PLPP3: variants seen among roughly 807,000 people sequenced by gnomAD.
PLPP3 encodes the protein PAP2 beta.
PLPP3 carries 6 observed loss-of-function variants against 29.6 expected under a neutral mutation model. The ratio of observed to expected loss-of-function variants is 0.20; its 90% CI spans 0.11 to 0.40. The LOEUF is 0.40. PLPP3 is among the 10% of genes least tolerant of loss of function. PLPP3 has a pLI of 1.00. For missense variants in PLPP3, 308 were observed against 407.7 expected (o/e 0.76, Z 2.11); for synonymous variants, 152 against 159.7 (o/e 0.95, Z 0.36).
Position 56,520,929 on chromosome 1 carries a change from A to G in PLPP3, c.633+2894T>C, listed in dbSNP as rs867241442. Among the ~76,000 whole-genome samples, 530 of 145,230 alleles carry G rather than the reference A, an allele frequency of 3.6e-3. 2 individuals carry two copies. The highest frequency in any genetic ancestry group is 0.011 in the African/African-American group (421 of 39,850). ...CCATCTCAAAAAAAAAAAAAAAAAA[A>G]AAAAAAGAAACTTTTGCAAATCGGC... On this transcript the variant is annotated intron_variant, in intron 4 of 5. Transcript: ENST00000371250.
chr1:56,558,921 C>T (rs1646102032), intron 1 of PLPP3, among the ~76,000 whole-genome samples: 1 of 152,250 alleles, frequency 6.6e-6, no homozygotes. Flanking sequence ...AGACCTCCAA[C>T]TATCAGGCAC....
intron 4 of PLPP3, among the ~76,000 whole-genome samples, chr1:56,518,383 C>T (rs1008847260): frequency 6.6e-6 from 1 of 152,100 alleles, no homozygotes; most frequent in Admixed American, 6.6e-5. Flanking sequence ...CCAACAAACC[C>T]TCTGACACAC....
chr1:56,502,215 T>C (rs1162086195), intron 5 of PLPP3, among the ~76,000 whole-genome samples: 1 of 152,224 alleles, frequency 6.6e-6, no homozygotes, highest in Non-Finnish European at 1.5e-5. Flanking sequence ...AATAAAATTA[T>C]CCTTTAAATG....
chr1:56,579,105 G>T lies in PLPP3; in HGVS notation c.-89C>A. On this transcript the variant is annotated 5_prime_UTR_variant, in exon 1 of 6. Transcript: ENST00000371250. ...CAGGCGCCCGGGTCGCCTCCTGGCC[G>T]AGGCTGCTGCGGATAGTGGCGGGTC... The T allele has an allele frequency of 6.5e-7, 1 of 1,534,068 alleles. No homozygotes were observed. Among genetic ancestry groups the T allele is most frequent in the Non-Finnish European group, 8.7e-7 (1 of 1,148,920 alleles).
chr1:56,573,319 T>C (rs1646213012), intron 1 of PLPP3, among the ~76,000 whole-genome samples: 1 of 152,134 alleles, frequency 6.6e-6, no homozygotes, highest in Non-Finnish European at 1.5e-5. Context: ...CAGGGGTAAT[T>C]TTCCATTCGG....
intron 1 of PLPP3, among the ~76,000 whole-genome samples, chr1:56,554,298 C>A (rs556318293): frequency 2.6e-5 from 4 of 152,096 alleles, no homozygotes; most frequent in African/African-American, 4.8e-5. Flanking sequence ...CATGGCCGGG[C>A]GCGGTGGCTG....
chr1:56,550,274 C>CTGGCTA (rs1646029291), intron 1 of PLPP3, among the ~76,000 whole-genome samples: 2 of 152,136 alleles, frequency 1.3e-5, no homozygotes, highest in Admixed American at 1.3e-4. Context: ...ACTGGGAGAA[C>CTGGCTA]TGGCTACAGT....
At position 56,579,418 on chromosome 1, in the gene PLPP3, T is replaced by A. The variant is rs983963696; in HGVS notation, c.-402A>T. On this transcript the variant is annotated 5_prime_UTR_variant, in exon 1 of 6. Coordinates refer to ENST00000371250, the MANE Select transcript of PLPP3 (RefSeq NM_003713.5). ...AGCTGGTTCCTTAATGAATGGGAGC[T>A]GCGCTGAGCCCAGCAACTCCGGAGC... The A allele has an allele frequency of 1.4e-5, 3 of 213,600 alleles. No homozygotes were observed. The highest frequency in any genetic ancestry group is 2.8e-5 in the Non-Finnish European group (3 of 106,650). The allele number at this position is 213,600 out of a possible 1,614,324, so 13.2% of individuals were successfully genotyped here.
chr1:56,523,195 A>T (rs746971339), intron 4 of PLPP3, among the ~76,000 whole-genome samples: 3 of 152,216 alleles, frequency 2.0e-5, no homozygotes, highest in Non-Finnish European at 2.9e-5. Flanking sequence ...AGTATTTTGC[A>T]AAACTCAAAA....
At chr1:56,519,610 C>T (rs1181957505) in intron 4 of PLPP3, among the ~76,000 whole-genome samples, 1 of 152,110 alleles carries the variant, frequency 6.6e-6, no homozygotes, top group Non-Finnish European at 1.5e-5. Context: ...CTGGTGTTGA[C>T]ATTTTATCCA....
At chr1:56,539,751 C>T (rs76549185) in intron 1 of PLPP3, among the ~76,000 whole-genome samples, 5 of 152,114 alleles carry the variant, frequency 3.3e-5, no homozygotes, top group South Asian at 2.1e-4. Context: ...CATATGGTCC[C>T]GAACCATCTT....
intron 4 of PLPP3, among the ~76,000 whole-genome samples, chr1:56,516,086 G>A (rs749611154): frequency 3.3e-5 from 5 of 152,114 alleles, no homozygotes; most frequent in African/African-American, 9.7e-5. Context: ...AAGAAGAGTC[G>A]AGAATGAGAT....
At chr1:56,546,908 G>C (rs920195569) in intron 1 of PLPP3, among the ~76,000 whole-genome samples, 3 of 152,144 alleles carry the variant, frequency 2.0e-5, no homozygotes, top group African/African-American at 7.2e-5. Context: ...ATTTTTAAAA[G>C]CAATAGCTAT....
intron 2 of PLPP3, among the ~76,000 whole-genome samples, chr1:56,531,081 A>G (rs55798508): frequency 0.51 from 76,848 of 152,042 alleles, 19,689 homozygotes; most frequent in African/African-American, 0.58. Flanking sequence ...TGACAGTATC[A>G]AAAGCAGGGT....
In PLPP3 at chr1:56,558,615, G is replaced by A. The variant is rs74649655; in HGVS notation, c.139+20263C>T. Among the ~76,000 whole-genome samples the A allele has an allele frequency of 3.0e-3, 460 of 152,290 alleles. 1 individual carries two copies. Among genetic ancestry groups the A allele is most frequent in the African/African-American group, 0.011 (437 of 41,568 alleles). The stretch of plus-strand genomic sequence containing the variant: ...ATGTCAAAGAGCCCACTGTCTGTGA[G>A]GTATTTTTTTCTCTCCGGACACCTG... On this transcript the variant is annotated intron_variant, in intron 1 of 5. Transcript: ENST00000371250.
At chr1:56,578,403 C>T (rs995267667) in intron 1 of PLPP3, among the ~76,000 whole-genome samples, 1 of 152,136 alleles carries the variant, frequency 6.6e-6, no homozygotes, top group African/African-American at 2.4e-5. Context: ...GCAGCAAAGG[C>T]GGAAGGGCTG....
intron 1 of PLPP3, among the ~76,000 whole-genome samples, chr1:56,569,879 C>A (rs1250717811): frequency 6.6e-6 from 1 of 152,176 alleles, no homozygotes; most frequent in African/African-American, 2.4e-5. Context: ...TGCTGCAATA[C>A]CTTCTCCCCC....
chr1:56,579,143 G>A lies in PLPP3; in HGVS notation c.-127C>T. 7.6e-7 allele frequency: 1 copy of A among 1,314,458 alleles called. No individual in the cohort carries two copies. Among genetic ancestry groups the A allele is most frequent in the Non-Finnish European group, 1.0e-6 (1 of 997,626 alleles). 81.4% of individuals were successfully genotyped at this position (1,314,458 alleles called of 1,614,324 possible). A position where few individuals can be genotyped will look rare whatever the true frequency, so the allele number is the denominator to read the frequency against. On this transcript the variant is annotated 5_prime_UTR_variant, in exon 1 of 6. Coordinates refer to ENST00000371250, the MANE Select transcript of PLPP3 (RefSeq NM_003713.5). The stretch of plus-strand genomic sequence containing the variant: ...ATAGTGGCGGGTCGGCCCCGGCTCC[G>A]GGCGCGGCGGCTAGAGTGCAGCCGG...
chr1:56,540,054 A>G (rs1645957942), intron 1 of PLPP3, among the ~76,000 whole-genome samples: 1 of 152,148 alleles, frequency 6.6e-6, no homozygotes, highest in African/African-American at 2.4e-5. Flanking sequence ...GGACAATAAA[A>G]CACATATAAA....
Sources: gnomAD v4.1 joint callset for allele counts (sites outside exome capture counted in the v4.1 genomes callset) on GRCh38, gnomAD v4.1.1 for gene constraint, MANE v1.5 for transcripts, NCBI Gene and HGNC (gene_info 2026-07-23, HGNC 2026-07-21) for gene names.